Variants in FRMPD4 observed in about 807,000 individuals in gnomAD.
FRMPD4 encodes FERM and PDZ domain containing 4.
FRMPD4 carries 22 observed loss-of-function variants against 94.1 expected under a neutral mutation model. That is an observed-to-expected ratio of 0.23 (90% CI 0.17 to 0.33). The LOEUF (loss-of-function observed/expected upper bound fraction) is 0.33. Among genes scored for constraint, FRMPD4 ranks in the 10% least tolerant of loss-of-function variants. The pLI, the probability that FRMPD4 is intolerant of heterozygous loss-of-function variation, is 1.00. For missense variants in FRMPD4, 1,111 were observed against 1,339.9 expected (o/e 0.83, Z 2.67); for synonymous variants, 631 against 548.6 (o/e 1.15, Z -2.10).
chrX:11,945,808 C>A (rs1363026430), intron 3 of FRMPD4, among the ~76,000 whole-genome samples: 1 of 111,475 alleles, frequency 9.0e-6, no homozygotes, highest in Admixed American at 9.5e-5. Context: ...CCAAATGCCT[C>A]CCACTAGGTC....
chrX:12,612,475 C>T (rs745723576), intron 3 of FRMPD4, among the ~76,000 whole-genome samples: 1 of 112,250 alleles, frequency 8.9e-6, no homozygotes, highest in Non-Finnish European at 1.9e-5. Context: ...GATTTCAGTG[C>T]GTGACTAGAT....
At chrX:12,305,725 G>GTTTTTTTTTTTTTTTTTTTTTTTTTT (rs58794898) in intron 1 of FRMPD4, among the ~76,000 whole-genome samples, 2 of 59,699 alleles carry the variant, frequency 3.4e-5, no homozygotes, top group African/African-American at 1.5e-4. Context: ...AGCTGGCTAA[G>GTTTTTTTTTTTTTTTTTTTTTTTTTT]TTTTTTTTTT....
At chrX:12,349,770 A>G (rs1381232515) in intron 1 of FRMPD4, among the ~76,000 whole-genome samples, 4 of 111,946 alleles carry the variant, frequency 3.6e-5, no homozygotes, top group Non-Finnish European at 5.6e-5. Context: ...TAATTTATAT[A>G]ACATTATTAA....
intron 1 of FRMPD4, among the ~76,000 whole-genome samples, chrX:12,290,805 C>T (rs2054674322): frequency 9.0e-6 from 1 of 111,021 alleles, no homozygotes; most frequent in African/African-American, 3.3e-5. Context: ...ATTTCTACCA[C>T]CCCCTACACA....
Position 12,445,198 on chromosome X carries a change from C to G in FRMPD4, c.42-53482C>G, listed in dbSNP as rs142582788. Among the ~76,000 whole-genome samples the G allele has an allele frequency of 7.8e-4, 87 of 112,137 alleles. 1 individual carries two copies. In the East Asian group the frequency reaches 0.018, roughly 23 times the overall value. On this transcript the variant is annotated intron_variant, in intron 1 of 16. Coordinates refer to ENST00000675598, the MANE Select transcript of FRMPD4 (RefSeq NM_001368397.1). Reference sequence around the variant, plus strand: ...AGAGTGGTCCATGGTTGGGCATCAACAGCATCACCTGGGAATTTGATAGAA... The same window carrying G: ...AGAGTGGTCCATGGTTGGGCATCAAGAGCATCACCTGGGAATTTGATAGAA...
intron 1 of FRMPD4, among the ~76,000 whole-genome samples, chrX:12,312,017 A>G (rs887579004): frequency 7.3e-5 from 8 of 109,667 alleles, no homozygotes; most frequent in East Asian, 2.9e-4. Context: ...TAGGTTAGAT[A>G]CTCTCACTGG....
chrX:12,185,482 C>CT (rs1481159516), intron 1 of FRMPD4, among the ~76,000 whole-genome samples: 1 of 110,846 alleles, frequency 9.0e-6, no homozygotes, highest in Non-Finnish European at 1.9e-5. Flanking sequence ...AAAATGAGAC[C>CT]TAGAAACTTC....
At chrX:12,477,246 A>T (rs904513891) in intron 1 of FRMPD4, among the ~76,000 whole-genome samples, 10 of 111,018 alleles carry the variant, frequency 9.0e-5, no homozygotes, top group African/African-American at 3.3e-4. Context: ...GTAGGTGGGG[A>T]TTGTATAATG....
At chrX:12,279,316 A>G (rs543595603) in intron 1 of FRMPD4, among the ~76,000 whole-genome samples, 2 of 111,281 alleles carry the variant, frequency 1.8e-5, no homozygotes, top group African/African-American at 3.3e-5. Flanking sequence ...TTCTTGGTGG[A>G]CCCAACTCTC....
chrX:12,122,389 C>T (rs1217197837), intron 3 of FRMPD4, among the ~76,000 whole-genome samples: 2 of 111,885 alleles, frequency 1.8e-5, no homozygotes, highest in Non-Finnish European at 3.8e-5. Context: ...TGGCTTCATC[C>T]TTCTGTAGGT....
intron 4 of FRMPD4, among the ~76,000 whole-genome samples, chrX:12,632,711 A>G (rs113009840): frequency 8.1e-5 from 9 of 110,687 alleles, no homozygotes; most frequent in African/African-American, 3.0e-4. Context: ...ATCAAGATCT[A>G]CTCTCTCCCT....
chrX:12,334,245 T>G (rs1199715778), intron 1 of FRMPD4, among the ~76,000 whole-genome samples: 1 of 111,822 alleles, frequency 8.9e-6, no homozygotes, highest in Non-Finnish European at 1.9e-5. Flanking sequence ...TAAAATTGTT[T>G]AAATGTATGA....
intron 2 of FRMPD4, among the ~76,000 whole-genome samples, chrX:12,503,184 C>T (rs1468716012): frequency 9.0e-6 from 1 of 111,293 alleles, no homozygotes; most frequent in Non-Finnish European, 1.9e-5. Context: ...TTATGATGAG[C>T]CAAGTTAGAG....
chrX:12,645,516 C>T (rs1171731870), intron 4 of FRMPD4, among the ~76,000 whole-genome samples: 2 of 108,614 alleles, frequency 1.8e-5, no homozygotes, highest in African/African-American at 3.4e-5. Flanking sequence ...CCACCACGCC[C>T]GACTAATTTT....
intron 2 of FRMPD4, among the ~76,000 whole-genome samples, chrX:12,514,658 T>C (rs990724735): frequency 8.9e-6 from 1 of 111,918 alleles, no homozygotes; most frequent in African/African-American, 3.3e-5. Flanking sequence ...ATCAGGGATA[T>C]TGGCCTGAAG....
At chrX:12,637,179 A>G (rs1277487625) in intron 4 of FRMPD4, among the ~76,000 whole-genome samples, 1 of 112,362 alleles carries the variant, frequency 8.9e-6, no homozygotes, top group African/African-American at 3.2e-5. Flanking sequence ...ATCTATCTTA[A>G]ATCTTTATCT....
chrX:11,850,805 A>G (rs965547805), intron 1 of FRMPD4, among the ~76,000 whole-genome samples: 1 of 111,921 alleles, frequency 8.9e-6, no homozygotes, highest in Non-Finnish European at 1.9e-5. Context: ...GCTGGGGAAA[A>G]CAAAGAACGG....
chrX:12,704,277 C>A, intron 10 of FRMPD4, 82 bp from the exon 11 acceptor site: 1 of 744,806 alleles, frequency 1.3e-6, no homozygotes, highest in Non-Finnish European at 1.9e-6. Context: ...TCATTTGTTC[C>A]AACAAACATC....
At chrX:12,669,599 A>G (rs952265064) in intron 4 of FRMPD4, among the ~76,000 whole-genome samples, 6 of 112,212 alleles carry the variant, frequency 5.3e-5, no homozygotes, top group Non-Finnish European at 1.1e-4. Flanking sequence ...ACTAATTTCC[A>G]GAGTCTGTGA....
Sources: allele counts gnomAD v4.1 joint callset (sites outside exome capture counted in the v4.1 genomes callset), GRCh38; gene constraint gnomAD v4.1.1; transcripts MANE v1.5; gene names NCBI Gene and HGNC (gene_info 2026-07-23, HGNC 2026-07-21).